The following DGAT2 variants were observed in gnomAD, a reference collection of about 807,000 sequenced individuals.
The protein encoded by DGAT2 is diacylglycerol O-acyltransferase 2.
Under a neutral mutation model 48.4 loss-of-function variants are expected in DGAT2, and 33 were observed. The ratio of observed to expected loss-of-function variants is 0.68; its 90% CI spans 0.52 to 0.91. The LOEUF is 0.91. Among genes scored for constraint, DGAT2 ranks in the 40% least tolerant of loss-of-function variants. DGAT2 has a pLI of 0.00. For synonymous variants in DGAT2, 191 were observed against 194.1 expected (o/e 0.98, Z 0.13); for missense variants, 446 against 493.7 (o/e 0.90, Z 0.92).
chr11:75,772,169 G>T (rs899865117), intron 1 of DGAT2, among the ~76,000 whole-genome samples: 10 of 152,146 alleles, frequency 6.6e-5, no homozygotes, highest in Admixed American at 6.5e-5. Flanking sequence ...CATGGTGCGG[G>T]TGGCAGCTCA....
intron 1 of DGAT2, among the ~76,000 whole-genome samples, chr11:75,782,181 C>T (rs553537938): frequency 7.2e-5 from 11 of 152,124 alleles, no homozygotes; most frequent in Admixed American, 2.6e-4. Flanking sequence ...AGGTGGTGTT[C>T]CCCGGTGCTG....
chr11:75,800,925 T>C lies in DGAT2; in HGVS notation c.*417T>C. 5.2e-6 allele frequency: 1 copy of C among 190,520 alleles called. No individual in the cohort carries two copies. The highest frequency in any genetic ancestry group is 1.1e-5 in the Non-Finnish European group (1 of 92,114). The allele number at this position is 190,520 out of a possible 1,614,324, so 11.8% of individuals were successfully genotyped here. A position where few individuals can be genotyped will look rare whatever the true frequency, so the allele number is the denominator to read the frequency against. ...TTGCCACTACCCCACGCTCGTCTAG[T>C]CCTGAAACTGCAGGACCAGTTTCTC... On this transcript the variant is annotated 3_prime_UTR_variant, in exon 8 of 8. Transcript: ENST00000228027.
chr11:75,768,815 C>A lies in DGAT2; in HGVS notation c.-177C>A, dbSNP rs939081678. Reference sequence around the variant, plus strand: ...GCCTCTGCTGGGGTCTAGGCTGTTTCTCTCGCGCCACCACTGGCCGCCGGC... The same window carrying A: ...GCCTCTGCTGGGGTCTAGGCTGTTTATCTCGCGCCACCACTGGCCGCCGGC... On this transcript the variant is annotated 5_prime_UTR_variant, in exon 1 of 8. Transcript: ENST00000228027. 1.0e-5 allele frequency: 8 copies of A among 768,372 alleles called. No individual in the cohort carries two copies. The highest frequency in any genetic ancestry group is 1.5e-5 in the Non-Finnish European group (8 of 541,326). The allele number at this position is 768,372 out of a possible 1,614,324, so 47.6% of individuals were successfully genotyped here. A position where few individuals can be genotyped will look rare whatever the true frequency, so the allele number is the denominator to read the frequency against.
At chr11:75,770,462 CACTT>C (rs1204924404) in intron 1 of DGAT2, among the ~76,000 whole-genome samples, 1 of 152,224 alleles carries the variant, frequency 6.6e-6, no homozygotes, top group African/African-American at 2.4e-5. Flanking sequence ...CCCCTTCTCT[CACTT>C]GAGTCCTTTT....
rs1216705550 is a variant in DGAT2 at position 75,768,979 on chromosome 11, G to A, written c.-13G>A. On this transcript the variant is annotated 5_prime_UTR_variant, in exon 1 of 8. Transcript: ENST00000228027. ...CGGCTTCCCGCGGGGCCGTGACTGGGCGGGCTTCAGCCATGAAGACCCTCA... is the reference window on the plus strand; with the variant it reads ...CGGCTTCCCGCGGGGCCGTGACTGGACGGGCTTCAGCCATGAAGACCCTCA... The A allele has an allele frequency of 7.3e-6, 11 of 1,505,840 alleles. No homozygotes were observed. The highest frequency in any genetic ancestry group is 9.7e-6 in the Non-Finnish European group (11 of 1,128,990). The allele number at this position is 1,505,840 out of a possible 1,614,324, so 93.3% of individuals were successfully genotyped here. A position where few individuals can be genotyped will look rare whatever the true frequency, so the allele number is the denominator to read the frequency against.
At chr11:75,789,826 C>G (rs1157211703) in intron 2 of DGAT2, among the ~76,000 whole-genome samples, 2 of 152,190 alleles carry the variant, frequency 1.3e-5, no homozygotes, top group African/African-American at 4.8e-5. Flanking sequence ...TCCCCTTATC[C>G]ACAGTGTCTG....
rs991262310 is a variant in DGAT2, at chr11:75,779,644, A to G, written c.122-4974A>G. Among the ~76,000 whole-genome samples, 13 of 152,314 alleles carry G rather than the reference A, an allele frequency of 8.5e-5. No individual in the cohort carries two copies. The East Asian group carries it at 1.7e-3, about 20-fold the overall frequency. On this transcript the variant is annotated intron_variant, in intron 1 of 7. Transcript: ENST00000228027. ...TCTGCCTTCCCCAAAGGTAGGAGCA[A>G]ATGAGCTGTGTGTAAAGCAAGTGCT... is the stretch of plus-strand genomic sequence containing the variant.
In DGAT2 at chr11:75,768,942, C is replaced by A; in HGVS notation, c.-50C>A. Reference sequence around the variant, plus strand: ...CGGGGGCCGGGGCATGGGCCAGGGGCGCGGGGTGAAGCGGCTTCCCGCGGG... The same window carrying A: ...CGGGGGCCGGGGCATGGGCCAGGGGAGCGGGGTGAAGCGGCTTCCCGCGGG... On this transcript the variant is annotated 5_prime_UTR_variant, in exon 1 of 8. Transcript: ENST00000228027. The A allele has an allele frequency of 7.0e-7, 1 of 1,422,866 alleles. No individual in the cohort carries two copies. Among genetic ancestry groups the A allele is most frequent in the Non-Finnish European group, 9.2e-7 (1 of 1,091,102 alleles). 88.1% of individuals were successfully genotyped at this position (1,422,866 alleles called of 1,614,324 possible).
chr11:75,780,783 C>T (rs564870713), intron 1 of DGAT2, among the ~76,000 whole-genome samples: 1 of 152,256 alleles, frequency 6.6e-6, no homozygotes, highest in Non-Finnish European at 1.5e-5. Context: ...GCTGAGTGAC[C>T]TTGACCCGGT....
In DGAT2 at chr11:75,790,632, C is replaced by T. The variant is rs374619539; in HGVS notation, c.359-29C>T. The T allele has an allele frequency of 1.9e-6, 3 of 1,611,142 alleles. No individual in the cohort carries two copies. The African/African-American group carries it at 4.0e-5, about 22-fold the overall frequency. ...CCTTGCCCAAATGTACCCCCACCCC[C>T]ACCAACTCTGTATTTTATTCCCTGG... On this transcript the variant is annotated intron_variant, in intron 3 of 7. Transcript: ENST00000228027.
chr11:75,790,087 G>A, intron 2 of DGAT2, 101 bp from the exon 3 acceptor site: 6 of 851,638 alleles, frequency 7.0e-6, no homozygotes, highest in Admixed American at 1.8e-5. Flanking sequence ...GGCCCTGGGT[G>A]TGCCTAGCTT....
chr11:75,781,435 C>T (rs1271249462), intron 1 of DGAT2, among the ~76,000 whole-genome samples: 2 of 152,256 alleles, frequency 1.3e-5, no homozygotes, highest in East Asian at 3.8e-4. Flanking sequence ...GGCCAGCTCC[C>T]AGGCCACGGC....
At chr11:75,773,413 A>G (rs1261116832) in intron 1 of DGAT2, among the ~76,000 whole-genome samples, 2 of 152,012 alleles carry the variant, frequency 1.3e-5, no homozygotes, top group Non-Finnish European at 1.5e-5. Flanking sequence ...CAGGCCTGAC[A>G]TTTTTCTGGG....
rs1351449335 is a variant in DGAT2, at chr11:75,790,661, G to C, written c.359G>C (p.Gly120Ala). 1.2e-6 allele frequency: 2 copies of C among 1,613,944 alleles called. No individual in the cohort carries two copies. The highest frequency in any genetic ancestry group is 2.7e-5 in the African/African-American group (2 of 74,900). Residue 120 changes from glycine (G) to alanine (A), a missense_variant and splice_region_variant, in exon 4 of 8, where the codon GGT (glycine) becomes GCT (alanine). By Grantham distance (60) the Gly-to-Ala change is moderately conservative. Transcript: ENST00000228027. ...LVFDWNTPKK[G>A]GRRSQWVRNW... is the part of the protein sequence containing the mutation. ...AACTCTGTATTTTATTCCCTGGAAGGTGGCAGGAGGTCACAGTGGGTCCGA... is the reference window on the plus strand; with the variant it reads ...AACTCTGTATTTTATTCCCTGGAAGCTGGCAGGAGGTCACAGTGGGTCCGA...
chr11:75,799,817 C>T (rs1945092767), intron 7 of DGAT2, among the ~76,000 whole-genome samples: 1 of 151,942 alleles, frequency 6.6e-6, no homozygotes, highest in Non-Finnish European at 1.5e-5. Flanking sequence ...CGATTTTCAC[C>T]ATGTTACCCA....
chr11:75,784,356 A>G lies in DGAT2; in HGVS notation c.122-262A>G, dbSNP rs1479350195. The G allele has an allele frequency of 5.8e-5, 20 of 346,752 alleles. No individual in the cohort carries two copies. In the Admixed American group the frequency reaches 8.1e-4, roughly 14 times the overall value. The allele number at this position is 346,752 out of a possible 1,614,324, so 21.5% of individuals were successfully genotyped here. On this transcript the variant is annotated intron_variant, in intron 1 of 7. Coordinates refer to ENST00000228027, the MANE Select transcript of DGAT2 (RefSeq NM_032564.5). Reference sequence around the variant, plus strand: ...TTGGACTAGCCTCTTTAGATACTTCATGTGGTCTCCAAAATGACCCCGAGT... The same window carrying G: ...TTGGACTAGCCTCTTTAGATACTTCGTGTGGTCTCCAAAATGACCCCGAGT...
chr11:75,777,168 A>G (rs527494568), intron 1 of DGAT2, among the ~76,000 whole-genome samples: 13 of 128,118 alleles, frequency 1.0e-4, no homozygotes, highest in Admixed American at 4.6e-4. Context: ...CAAGGAGCCC[A>G]AGAGGCTGTT....
rs1231897378 is a variant in DGAT2, at chr11:75,798,251, C to A, written c.834C>A (p.Ser278=). 1 of 1,614,072 alleles carries A rather than the reference C, an allele frequency of 6.2e-7. No individual in the cohort carries two copies. The highest frequency in any genetic ancestry group is 1.3e-5 in the African/African-American group (1 of 74,922). The change falls in exon 7 of 8, where the codon TCC becomes TCA. Residue 278 remains serine, a synonymous_variant. Transcript: ENST00000228027. ...GAGCTGACCTGGTTCCCATCTACTCCTTTGGAGAGAATGAAGTGTACAAGC... is the reference window on the plus strand; with the variant it reads ...GAGCTGACCTGGTTCCCATCTACTCATTTGGAGAGAATGAAGTGTACAAGC... ...RHGADLVPIY[S]FGENEVYKQV...
At chr11:75,774,128 A>C (rs1450982178) in intron 1 of DGAT2, 3 of 152,298 alleles carry the variant, frequency 2.0e-5, no homozygotes, top group Admixed American at 1.3e-4. Context: ...TTGAGAGCTC[A>C]TGGGAAAGGA....
Sources: allele counts gnomAD v4.1 joint callset (sites outside exome capture counted in the v4.1 genomes callset), GRCh38; gene constraint gnomAD v4.1.1; transcripts MANE v1.5; gene names NCBI Gene and HGNC (gene_info 2026-07-23, HGNC 2026-07-21).